VPS54: variants seen among roughly 807,000 people sequenced by gnomAD.
The protein encoded by VPS54 is vacuolar protein sorting-associated protein 54.
In VPS54, 45 loss-of-function variants were observed where a neutral mutation model predicts 121.5. That is an observed-to-expected ratio of 0.37 (90% CI 0.29 to 0.47). VPS54 has a LOEUF of 0.47. Among genes scored for constraint, VPS54 ranks in the 20% least tolerant of loss-of-function variants. VPS54 has a pLI of 0.99. For synonymous variants in VPS54, 371 were observed against 385.8 expected (o/e 0.96, Z 0.45); for missense variants, 1,090 against 1,131.4 (o/e 0.96, Z 0.52).
At chr2:63,916,495 C>A (rs1673385425) in intron 16 of VPS54, among the ~76,000 whole-genome samples, 1 of 152,080 alleles carries the variant, frequency 6.6e-6, no homozygotes, top group African/African-American at 2.4e-5. Context: ...GTGTATAGTA[C>A]TATTTTCCAC....
intron 11 of VPS54, among the ~76,000 whole-genome samples, chr2:63,935,883 G>A (rs542942276): frequency 1.4e-3 from 215 of 152,192 alleles, no homozygotes; most frequent in Middle Eastern, 6.8e-3. Context: ...TGGCTTAATC[G>A]ATAAAGGAAT....
chr2:64,000,121 A>G lies in VPS54; in HGVS notation c.-20-16102T>C, dbSNP rs887834021. Among the ~76,000 whole-genome samples, 12 of 151,994 alleles carry G rather than the reference A, an allele frequency of 7.9e-5. No individual in the cohort carries two copies. The South Asian group carries it at 1.5e-3, about 18-fold the overall frequency. The stretch of plus-strand genomic sequence containing the variant: ...ATGATCCACCCTCCTCAGCCTCCCA[A>G]ACTGATGGGATTACAGACATAAGCC... On this transcript the variant is annotated intron_variant, in intron 1 of 22. Transcript: ENST00000272322.
chr2:63,967,660 A>G (rs536219102), intron 5 of VPS54, among the ~76,000 whole-genome samples: 1 of 141,508 alleles, frequency 7.1e-6, no homozygotes, highest in African/African-American at 2.6e-5. Context: ...CGGAGGTTGC[A>G]GTGAGCCAAG....
chr2:63,903,624 A>G (rs74512235), intron 20 of VPS54, among the ~76,000 whole-genome samples: 5,236 of 152,260 alleles, frequency 0.034, 211 homozygotes, highest in African/African-American at 0.1. Context: ...CAATAATAGC[A>G]CACAGCAGGA....
chr2:63,913,808 C>T (rs901263815), intron 17 of VPS54: 13 of 1,021,428 alleles, frequency 1.3e-5, no homozygotes, highest in Non-Finnish European at 1.4e-5. Flanking sequence ...AAGAATGATG[C>T]AAGAAAAATC....
chr2:63,928,606 G>A (rs1039032007), intron 12 of VPS54, among the ~76,000 whole-genome samples: 13 of 152,168 alleles, frequency 8.5e-5, no homozygotes, highest in Non-Finnish European at 1.6e-4. Context: ...ATCAATTAGT[G>A]GGCGAAATAA....
rs757880145 is a variant in VPS54, at chr2:63,983,941, A to C, written c.59T>G (p.Phe20Cys). 2 of 1,613,922 alleles carry C rather than the reference A, an allele frequency of 1.2e-6. No individual in the cohort carries two copies. The highest frequency in any genetic ancestry group is 2.7e-5 in the African/African-American group (2 of 75,034). ...TTTTGACGGATCTACCTCTATTTTA[A>C]AGAAAACATCACTGCTGCTTCCTTG... The part of the protein sequence containing the change: ...VPQGSSSDVF[F>C]KIEVDPSKHI... Residue 20 changes from phenylalanine (F) to cysteine (C), a missense_variant, in exon 2 of 23, where the codon TTT becomes TGT. This residue lies in a region of VPS54 where 801 missense variants were observed against 757.0 expected (regional missense o/e 1.06). Transcript: ENST00000272322.
intron 3 of VPS54, among the ~76,000 whole-genome samples, chr2:63,976,825 C>CTTTTTTTTTTTTTTTTTTTTTTT (rs1174931536): frequency 1.1e-5 from 1 of 89,680 alleles, no homozygotes; most frequent in African/African-American, 4.1e-5. Flanking sequence ...TATATCTTCT[C>CTTTTTTTTTTTTTTTTTTTTTTT]TTTTTTTTTT....
chr2:63,926,645 G>A (rs188014306), intron 12 of VPS54, among the ~76,000 whole-genome samples: 3 of 152,314 alleles, frequency 2.0e-5, no homozygotes, highest in East Asian at 3.9e-4. Context: ...TGGACAGTGG[G>A]TGCAGCCCAT....
intron 15 of VPS54, among the ~76,000 whole-genome samples, chr2:63,919,483 C>T (rs565265849): frequency 1.9e-4 from 29 of 152,042 alleles, no homozygotes; most frequent in Admixed American, 1.6e-3. Flanking sequence ...GTAAACAATA[C>T]GGTATAGTAG....
chr2:63,977,078 C>G (rs1247115765), intron 3 of VPS54, among the ~76,000 whole-genome samples: 1 of 152,098 alleles, frequency 6.6e-6, no homozygotes, highest in East Asian at 1.9e-4. Flanking sequence ...ATCCACCTAC[C>G]TCAGCCTCCC....
rs60458621 is a variant in VPS54 at position 63,923,318 on chromosome 2, GA to G, written c.1740-1984del. On this transcript the variant is annotated intron_variant, in intron 12 of 22. Coordinates refer to ENST00000272322, the MANE Select transcript of VPS54 (RefSeq NM_016516.3). ...GCAAAGGAGTGAGGAAAAAAAAAAAGAAAAAAAAATTATTTTTTAACTTCAG... is the reference window on the plus strand; with the variant it reads ...GCAAAGGAGTGAGGAAAAAAAAAAAGAAAAAAAATTATTTTTTAACTTCAG... Among the ~76,000 whole-genome samples, 810 of 150,172 alleles carry G rather than the reference GA, an allele frequency of 5.4e-3. 1 individual carries two copies. Among genetic ancestry groups the G allele is most frequent in the Non-Finnish European group, 9.6e-3 (646 of 67,434 alleles).
chr2:64,018,737 G>C (rs1457312890), intron 1 of VPS54, among the ~76,000 whole-genome samples: 1 of 115,546 alleles, frequency 8.7e-6, no homozygotes, highest in East Asian at 2.1e-4. Context: ...CCCGGAGGGA[G>C]AGTGAAAAGG....
At chr2:64,012,216 T>A (rs1678461651) in intron 1 of VPS54, among the ~76,000 whole-genome samples, 1 of 152,088 alleles carries the variant, frequency 6.6e-6, no homozygotes, top group Non-Finnish European at 1.5e-5. Flanking sequence ...TTCAATACAG[T>A]GTGTCTTTGC....
At position 63,921,190 on chromosome 2, in the gene VPS54, T is replaced by C. The variant is rs746716814; in HGVS notation, c.1869+16A>G. The C allele has an allele frequency of 1.2e-5, 19 of 1,601,330 alleles. No individual in the cohort carries two copies. Among genetic ancestry groups the C allele is most frequent in the Non-Finnish European group, 7.7e-6 (9 of 1,174,736 alleles). ...TATTACGTATAAAATATATAAAGCT[T>C]TATGAAAATAGCTACCTTTGCTCTT... On this transcript the variant is annotated intron_variant, in intron 13 of 22. Transcript: ENST00000272322.
In VPS54 at chr2:63,912,628, T is replaced by C. The variant is rs764321427; in HGVS notation, c.2456A>G (p.His819Arg). 10 of 1,586,430 alleles carry C rather than the reference T, an allele frequency of 6.3e-6. No homozygotes were observed. The highest frequency in any genetic ancestry group is 2.3e-5 in the East Asian group (1 of 44,268). Residue 819 changes from histidine (H) to arginine (R), a missense_variant, in exon 19 of 23, where the codon CAC (histidine) becomes CGC (arginine). Coordinates refer to ENST00000272322, the MANE Select transcript of VPS54 (RefSeq NM_016516.3). Reference protein sequence around the residue: ...LSSRCLQLIVHYIPVIRAHFE... With the variant: ...LSSRCLQLIVRYIPVIRAHFE... ...ATGAGCCCGGATCACAGGAATGTAG[T>C]GCACAATTAACTGCAAACATCGTGA...
chr2:63,984,704 C>A (rs1676960388), intron 1 of VPS54, among the ~76,000 whole-genome samples: 2 of 152,074 alleles, frequency 1.3e-5, no homozygotes, highest in South Asian at 4.1e-4. Context: ...GTAATTAAAA[C>A]AAATATATGT....
At chr2:64,000,005 G>A (rs1167482471) in intron 1 of VPS54, among the ~76,000 whole-genome samples, 4 of 151,922 alleles carry the variant, frequency 2.6e-5, no homozygotes, top group African/African-American at 9.7e-5. Flanking sequence ...AGATTACAGG[G>A]ATGTGCCACC....
chr2:63,970,500 T>A (rs1158387295), intron 4 of VPS54, among the ~76,000 whole-genome samples: 1 of 151,910 alleles, frequency 6.6e-6, no homozygotes, highest in Non-Finnish European at 1.5e-5. Flanking sequence ...GTAGTCTACA[T>A]TTCTTTCTCT....
Sources: gnomAD v4.1 joint callset for allele counts (sites outside exome capture counted in the v4.1 genomes callset) on GRCh38, gnomAD v4.1.1 for gene constraint, gnomAD v4.1.1 regional missense constraint, MANE v1.5 for transcripts, NCBI Gene and HGNC (gene_info 2026-07-23, HGNC 2026-07-21) for gene names.